Variants in NRXN3 observed in about 807,000 individuals in gnomAD.
NRXN3 encodes neurexin III.
A neutral mutation model predicts 137.6 loss-of-function variants in NRXN3; 32 were observed. The ratio of observed to expected loss-of-function variants is 0.23; its 90% CI spans 0.18 to 0.31. The LOEUF (loss-of-function observed/expected upper bound fraction) is 0.31. NRXN3 is among the 10% of genes least tolerant of loss of function. The pLI is 1.00. For missense variants in NRXN3, 1,574 were observed against 2,062.5 expected (o/e 0.76, Z 4.59); for synonymous variants, 798 against 784.5 (o/e 1.02, Z -0.29).
chr14:79,514,364 T>A (rs1275982159), intron 16 of NRXN3, among the ~76,000 whole-genome samples: 1 of 152,102 alleles, frequency 6.6e-6, no homozygotes, highest in Admixed American at 6.5e-5. Context: ...GTCCTCTCAG[T>A]TCACAGCAGC....
intron 10 of NRXN3, among the ~76,000 whole-genome samples, chr14:78,943,622 ATATATATATATATATATATATAT>A (rs1488063145): frequency 0.011 from 264 of 24,274 alleles, 28 homozygotes; most frequent in African/African-American, 0.02. Context: ...AAAAAAAAAA[ATATATATATATATATATATATAT>A]ATATATATAT....
At chr14:78,432,913 G>A (rs1384462047) in intron 4 of NRXN3, among the ~76,000 whole-genome samples, 1 of 152,194 alleles carries the variant, frequency 6.6e-6, no homozygotes, top group East Asian at 1.9e-4. Context: ...AGAGATCTAA[G>A]GGTTGGAGTC....
intron 15 of NRXN3, among the ~76,000 whole-genome samples, chr14:79,130,567 TC>T (rs1483266940): frequency 1.3e-5 from 2 of 151,890 alleles, no homozygotes; most frequent in African/African-American, 4.9e-5. Context: ...CTGATGGGCT[TC>T]CCTTTGTGGG....
At chr14:79,345,326 A>G (rs879889591) in intron 15 of NRXN3, among the ~76,000 whole-genome samples, 7 of 152,172 alleles carry the variant, frequency 4.6e-5, no homozygotes, top group Non-Finnish European at 5.9e-5. Flanking sequence ...GGGAGCAGCC[A>G]TGGGTTAAAT....
At chr14:79,143,346 G>A (rs1286802241) in intron 15 of NRXN3, among the ~76,000 whole-genome samples, 5 of 152,158 alleles carry the variant, frequency 3.3e-5, no homozygotes, top group Admixed American at 1.3e-4. Flanking sequence ...GCTTTTTGCA[G>A]TGCTGCAAAC....
At chr14:78,891,950 G>C (rs1406018859) in intron 10 of NRXN3, among the ~76,000 whole-genome samples, 1 of 151,934 alleles carries the variant, frequency 6.6e-6, no homozygotes, top group Non-Finnish European at 1.5e-5. Context: ...GAAATACAAA[G>C]ACAGAATTCT....
intron 5 of NRXN3, chr14:78,649,225 G>A (rs1458371334): frequency 4.5e-6 from 6 of 1,318,948 alleles, no homozygotes; most frequent in Non-Finnish European, 6.0e-6. Context: ...CAATCGTTCT[G>A]TTCACAATTT....
intron 15 of NRXN3, among the ~76,000 whole-genome samples, chr14:79,025,401 C>A (rs1301655919): frequency 6.6e-6 from 1 of 152,174 alleles, no homozygotes; most frequent in African/African-American, 2.4e-5. Context: ...TAATCTCCCC[C>A]ACTTTATTTA....
intron 15 of NRXN3, among the ~76,000 whole-genome samples, chr14:79,324,963 A>G (rs996215824): frequency 1.3e-5 from 2 of 152,190 alleles, no homozygotes; most frequent in Non-Finnish European, 2.9e-5. Flanking sequence ...TAAAAGCTCC[A>G]GTTGCCCTTC....
chr14:78,482,882 C>T (rs1329535187), intron 4 of NRXN3, among the ~76,000 whole-genome samples: 11 of 152,128 alleles, frequency 7.2e-5, no homozygotes, highest in Non-Finnish European at 1.5e-4. Context: ...GGTTACTAGT[C>T]AATCTGGGTT....
rs145194430 is a variant in NRXN3 at position 79,270,692 on chromosome 14, AG to A, written c.3263-196528del. On this transcript the variant is annotated intron_variant, in intron 15 of 20. Coordinates refer to ENST00000335750, the MANE Select transcript of NRXN3 (RefSeq NM_001330195.2). ...GAACTGTACTTTAGGAAGCTAGGAA[AG>A]AACAACTAATTCTGCCTGTCCAGAT... 2.4e-3 allele frequency among the ~76,000 whole-genome samples: 371 copies of A among 152,352 alleles called. 1 individual carries two copies. Among genetic ancestry groups the A allele is most frequent in the African/African-American group, 8.3e-3 (346 of 41,584 alleles).
chr14:78,480,584 A>C (rs1374137899), intron 4 of NRXN3, among the ~76,000 whole-genome samples: 2 of 152,164 alleles, frequency 1.3e-5, no homozygotes, highest in African/African-American at 2.4e-5. Flanking sequence ...CTAATAAACA[A>C]TTTGCTATAT....
Position 78,527,637 on chromosome 14 carries a change from A to G in NRXN3, c.758-117483A>G, listed in dbSNP as rs531802210. On this transcript the variant is annotated intron_variant, in intron 4 of 20. Transcript: ENST00000335750. ...CTAAGCTCCAATTTTTTATGATCTGAAAAATGGGGCTAGTAATAGCTTTAA... is the reference window on the plus strand; with the variant it reads ...CTAAGCTCCAATTTTTTATGATCTGGAAAATGGGGCTAGTAATAGCTTTAA... 1.6e-4 allele frequency among the ~76,000 whole-genome samples: 25 copies of G among 152,330 alleles called. 1 individual carries two copies. The South Asian group carries it at 4.8e-3, about 29-fold the overall frequency.
rs532260807 is a variant in NRXN3, at chr14:78,968,504, T to C, written c.3142+158T>C. Among the ~76,000 whole-genome samples the C allele has an allele frequency of 4.1e-4, 62 of 152,286 alleles. 1 individual carries two copies. The highest frequency in any genetic ancestry group is 1.4e-3 in the African/African-American group (59 of 41,554). ...ACCATCAGTGTTCTCTTGTCACTGGTTTAGTATGTCAAGACATGTGCCACA... is the reference window on the plus strand; with the variant it reads ...ACCATCAGTGTTCTCTTGTCACTGGCTTAGTATGTCAAGACATGTGCCACA... On this transcript the variant is annotated intron_variant, in intron 14 of 20. Transcript: ENST00000335750.
At chr14:78,190,618 T>A (rs1341428096) in intron 1 of NRXN3, among the ~76,000 whole-genome samples, 1 of 89,354 alleles carries the variant, frequency 1.1e-5, no homozygotes, top group Non-Finnish European at 2.2e-5. Flanking sequence ...AACATTTATT[T>A]ATTTATTTAT....
intron 15 of NRXN3, among the ~76,000 whole-genome samples, chr14:79,031,618 G>A (rs575115966): frequency 9.9e-5 from 15 of 152,192 alleles, no homozygotes; most frequent in African/African-American, 3.4e-4. Flanking sequence ...ATATACTTGC[G>A]AAACAGATTG....
chr14:79,043,696 G>A (rs575894224), intron 15 of NRXN3, among the ~76,000 whole-genome samples: 1 of 152,244 alleles, frequency 6.6e-6, no homozygotes, highest in Non-Finnish European at 1.5e-5. Flanking sequence ...AGTGTGGCTT[G>A]TGGTTCTTTT....
intron 4 of NRXN3, among the ~76,000 whole-genome samples, chr14:78,474,882 A>T (rs956214958): frequency 2.6e-5 from 4 of 152,164 alleles, no homozygotes; most frequent in Non-Finnish European, 4.4e-5. Flanking sequence ...GTGGTTCTCA[A>T]ATATTAGTAT....
chr14:78,837,248 AC>A (rs2098999683), intron 10 of NRXN3, among the ~76,000 whole-genome samples: 1 of 152,208 alleles, frequency 6.6e-6, no homozygotes. Context: ...GAAGCAAATT[AC>A]TTTTGGGTTA....
Sources: gnomAD v4.1 joint callset for allele counts (sites outside exome capture counted in the v4.1 genomes callset) on GRCh38, gnomAD v4.1.1 for gene constraint, MANE v1.5 for transcripts, NCBI Gene and HGNC (gene_info 2026-07-23, HGNC 2026-07-21) for gene names.